The following PMPCB variants were observed in gnomAD, a reference collection of about 807,000 sequenced individuals.
PMPCB encodes the protein mitochondrial-processing peptidase subunit beta.
A neutral mutation model predicts 61.5 loss-of-function variants in PMPCB; 46 were observed. That is an observed-to-expected ratio of 0.75 (90% CI 0.59 to 0.96). The LOEUF is 0.96. Among genes scored for constraint, PMPCB ranks in the 40% least tolerant of loss-of-function variants. The pLI, the probability that PMPCB is intolerant of heterozygous loss-of-function variation, is 0.00. For synonymous variants in PMPCB, 191 were observed against 201.6 expected, an observed-to-expected ratio of 0.95 and a Z score of 0.44; for missense variants, 590 against 602.4, an observed-to-expected ratio of 0.98 and a Z score of 0.22.
At chr7:103,306,763 T>A (rs1041652276) in intron 6 of PMPCB, among the ~76,000 whole-genome samples, 12 of 152,098 alleles carry the variant, frequency 7.9e-5, no homozygotes, top group Admixed American at 5.9e-4. Context: ...TATTTAATTT[T>A]ATTTATTTTA....
chr7:103,319,876 A>T (rs776525510), intron 12 of PMPCB: 1 of 1,599,922 alleles, frequency 6.3e-7, no homozygotes. Context: ...TAGTATCTAC[A>T]CTCAAAAATA....
intron 8 of PMPCB, 109 bp from the exon 9 acceptor site, chr7:103,310,206 T>A: frequency 5.1e-6 from 4 of 781,164 alleles, no homozygotes; most frequent in Non-Finnish European, 8.4e-6. Flanking sequence ...TGAATAAAAC[T>A]AGGAAACAGC....
chr7:103,340,644 C>G, the PMPCB span, among the ~76,000 whole-genome samples: 2 of 152,180 alleles, frequency 1.3e-5, no homozygotes, highest in African/African-American at 4.8e-5. Context: ...ATGGCAGAAC[C>G]AGATTTGAAT....
In PMPCB at chr7:103,313,129, A is replaced by G; in HGVS notation, c.*858A>G. 6.3e-7 allele frequency: 1 copy of G among 1,588,890 alleles called. No homozygotes were observed. The highest frequency in any genetic ancestry group is 1.2e-5 in the South Asian group (1 of 86,716). On this transcript the variant is annotated 3_prime_UTR_variant, in exon 13 of 13. Coordinates refer to ENST00000249269, the MANE Select transcript of PMPCB (RefSeq NM_004279.3). ...GATTAAGAAAAATTTTTATTTGAAAACTGTCTTTGAACATGTTCTCAGACA... is the reference window on the plus strand; with the variant it reads ...GATTAAGAAAAATTTTTATTTGAAAGCTGTCTTTGAACATGTTCTCAGACA...
At chr7:103,326,472 A>G in intron 12 of PMPCB, 2 of 1,457,410 alleles carry the variant, frequency 1.4e-6, no homozygotes, top group Non-Finnish European at 1.9e-6. Context: ...AGAGGGAAAG[A>G]GCAGAAACCT....
rs188453769 is a variant in PMPCB at position 103,305,942 on chromosome 7, A to C, written c.736+1452A>C. 5.7e-3 allele frequency among the ~76,000 whole-genome samples: 872 copies of C among 152,324 alleles called. 12 individuals carry two copies. Among genetic ancestry groups the C allele is most frequent in the African/African-American group, 0.02 (832 of 41,568 alleles). On this transcript the variant is annotated intron_variant, in intron 6 of 12. Transcript: ENST00000249269. ...TGCCATTGTTGGTGGCATGTGGACAAAATGAGTTTTACTTTGGTTCATGGG... is the reference window on the plus strand; with the variant it reads ...TGCCATTGTTGGTGGCATGTGGACACAATGAGTTTTACTTTGGTTCATGGG...
downstream of PMPCB, among the ~76,000 whole-genome samples, chr7:103,318,432 C>G (rs1017854372): frequency 6.6e-6 from 1 of 152,182 alleles, no homozygotes; most frequent in Non-Finnish European, 1.5e-5. Context: ...TTCTGACCTT[C>G]ATTTTAACTC....
At chr7:103,319,181 A>G (rs1463837528), downstream of PMPCB, among the ~76,000 whole-genome samples, 1 of 152,102 alleles carries the variant, frequency 6.6e-6, no homozygotes, top group Non-Finnish European at 1.5e-5. Context: ...GTTCACACCT[A>G]TAATCCCAGC....
intron 4 of PMPCB, among the ~76,000 whole-genome samples, chr7:103,302,979 A>G (rs548113868): frequency 1.3e-5 from 2 of 152,334 alleles, no homozygotes; most frequent in Admixed American, 1.3e-4. Flanking sequence ...ATTCTTCAAG[A>G]ATGAAGCACA....
At chr7:103,333,951 ATTTTTTT>A (rs1213072243), downstream of PMPCB, among the ~76,000 whole-genome samples, 3 of 139,510 alleles carry the variant, frequency 2.2e-5, no homozygotes, top group African/African-American at 7.9e-5. Flanking sequence ...TGTTGTGAAC[ATTTTTTT>A]TTTTTTTTTT....
intron 12 of PMPCB, chr7:103,327,496 G>C: frequency 1.5e-6 from 1 of 678,598 alleles, no homozygotes; most frequent in Non-Finnish European, 2.4e-6. Context: ...TGTGTCGTGA[G>C]GCTCTGGGGT....
In PMPCB at chr7:103,303,921, TAGAG is replaced by T. The variant is rs755105367; in HGVS notation, c.541_544del (p.Glu181CysfsTer40). On this transcript the variant is annotated frameshift_variant, in exon 5 of 13. Transcript: ENST00000249269. LOFTEE classifies it high-confidence loss of function. ...TTGAACGTGAGCGTGGAGTAATCCT[TAGAG>T]AGATGCAGGAAGTTGAAACCAATTT... The T allele has an allele frequency of 6.2e-6, 10 of 1,613,738 alleles. No homozygotes were observed. The highest frequency in any genetic ancestry group is 1.7e-4 in the Middle Eastern group (1 of 6,058).
chr7:103,347,367 GGTT>G, the PMPCB span: 1 of 184,000 alleles, frequency 5.4e-6, no homozygotes, highest in South Asian at 1.2e-4. Context: ...TAAAAAATCA[GGTT>G]GTTTTCTTGT....
At chr7:103,316,247 T>C, downstream of PMPCB, 1 of 451,518 alleles carries the variant, frequency 2.2e-6, no homozygotes, top group Non-Finnish European at 3.8e-6. Flanking sequence ...TCCTGTTGCC[T>C]GGACTACGGT....
the PMPCB span, among the ~76,000 whole-genome samples, chr7:103,339,399 C>T: frequency 6.6e-6 from 1 of 152,206 alleles, no homozygotes; most frequent in Admixed American, 6.5e-5. Context: ...CCAGTTCTGT[C>T]TTTTCCCGAC....
At chr7:103,302,906 A>G (rs1369982052) in intron 4 of PMPCB, among the ~76,000 whole-genome samples, 1 of 152,190 alleles carries the variant, frequency 6.6e-6, no homozygotes, top group African/African-American at 2.4e-5. Flanking sequence ...TAAGATTGTA[A>G]GTTTATTTTA....
intron 12 of PMPCB, chr7:103,322,725 C>T (rs751894748): frequency 6.2e-7 from 1 of 1,612,058 alleles, no homozygotes; most frequent in South Asian, 1.1e-5. Context: ...TTATTCTGTT[C>T]ATTTCTTCTT....
chr7:103,312,812 A>G lies in PMPCB; in HGVS notation c.*541A>G. 3 of 1,516,538 alleles carry G rather than the reference A, an allele frequency of 2.0e-6. No individual in the cohort carries two copies. In the South Asian group the frequency reaches 4.1e-5, roughly 21 times the overall value. 93.9% of individuals were successfully genotyped at this position (1,516,538 alleles called of 1,614,324 possible). ...TTCTAAGGTTGCTCATTTCTTCCTC[A>G]TAATATTGACCCCATAACTACTGGT... On this transcript the variant is annotated 3_prime_UTR_variant, in exon 13 of 13. Transcript: ENST00000249269.
intron 6 of PMPCB, among the ~76,000 whole-genome samples, chr7:103,306,034 T>A (rs1234610085): frequency 6.6e-6 from 1 of 152,224 alleles, no homozygotes; most frequent in East Asian, 1.9e-4. Flanking sequence ...TTAGTATTCA[T>A]TTTAAATACT....
Sources: gnomAD v4.1 joint callset for allele counts (sites outside exome capture counted in the v4.1 genomes callset) on GRCh38, gnomAD v4.1.1 for gene constraint, MANE v1.5 for transcripts, NCBI Gene and HGNC (gene_info 2026-07-23, HGNC 2026-07-21) for gene names.